Variants in NSUN6 observed in about 807,000 individuals in gnomAD.
NSUN6 encodes NOP2/Sun RNA methyltransferase 6, also known as tRNA (cytosine(72)-C(5))-methyltransferase NSUN6.
In NSUN6, 64 loss-of-function variants were observed where a neutral mutation model predicts 58.0. That is an observed-to-expected ratio of 1.10 (90% CI 0.90 to 1.36). The LOEUF (loss-of-function observed/expected upper bound fraction) is 1.36, where lower values mean the gene tolerates loss of function less well. Ranked by LOEUF, NSUN6 falls within the 40% of genes most tolerant of loss-of-function variation. The probability of loss-of-function intolerance (pLI) is 0.00; values close to 1 mark genes in which losing one functional copy is unlikely to be tolerated. For missense variants in NSUN6, 701 were observed against 550.1 expected, an observed-to-expected ratio of 1.27 and a Z score of -2.74; for synonymous variants, 231 against 193.9, an observed-to-expected ratio of 1.19 and a Z score of -1.59.
intron 8 of NSUN6, among the ~76,000 whole-genome samples, chr10:18,576,037 G>A (rs1387004211): frequency 6.6e-6 from 1 of 152,120 alleles, no homozygotes; most frequent in Non-Finnish European, 1.5e-5. Context: ...CCGTACAGCT[G>A]AGAGAGGATG....
intron 8 of NSUN6, among the ~76,000 whole-genome samples, chr10:18,558,727 T>A (rs1428930912): frequency 1.4e-5 from 2 of 141,250 alleles, no homozygotes; most frequent in Admixed American, 7.2e-5. Context: ...TGGAATGAAA[T>A]GGAATGGAGG....
rs371999865 is a variant in NSUN6 at position 18,616,315 on chromosome 10, A to C, written c.312-22T>G. Reference sequence around the variant, plus strand: ...CTTTCTAGAAATGTAAGACACAAGAAGTTTAATAGTAACATACCTCCAATG... The same window carrying C: ...CTTTCTAGAAATGTAAGACACAAGACGTTTAATAGTAACATACCTCCAATG... On this transcript the variant is annotated intron_variant, in intron 3 of 10. Coordinates refer to ENST00000377304, the MANE Select transcript of NSUN6 (RefSeq NM_182543.5). 1.1e-5 allele frequency: 15 copies of C among 1,424,796 alleles called. No homozygotes were observed. In the African/African-American group the frequency reaches 2.0e-4, roughly 19 times the overall value. 88.3% of individuals were successfully genotyped at this position (1,424,796 alleles called of 1,614,324 possible).
intron 3 of NSUN6, among the ~76,000 whole-genome samples, chr10:18,623,024 C>T (rs1277343132): frequency 2.0e-5 from 3 of 152,096 alleles, no homozygotes; most frequent in Non-Finnish European, 4.4e-5. Context: ...TCTGGCATTC[C>T]GTTTTCTCCT....
At chr10:18,581,357 A>G (rs183740589) in intron 8 of NSUN6, among the ~76,000 whole-genome samples, 31 of 152,278 alleles carry the variant, frequency 2.0e-4, no homozygotes, top group Middle Eastern at 3.4e-3. Flanking sequence ...AAACCCACCA[A>G]AACAAAGATG....
chr10:18,631,479 T>C (rs1332998082), intron 3 of NSUN6, among the ~76,000 whole-genome samples: 6 of 128,416 alleles, frequency 4.7e-5, no homozygotes, highest in African/African-American at 8.7e-5. Context: ...TGTTTGCAGA[T>C]GACATGATTG....
At chr10:18,637,251 C>G (rs1334002057) in intron 3 of NSUN6, among the ~76,000 whole-genome samples, 1 of 152,258 alleles carries the variant, frequency 6.6e-6, no homozygotes, top group South Asian at 2.1e-4. Flanking sequence ...GCGTGAGCCA[C>G]CACGCCCGGC....
chr10:18,582,031 T>C (rs2056925660), intron 8 of NSUN6, among the ~76,000 whole-genome samples: 1 of 152,114 alleles, frequency 6.6e-6, no homozygotes, highest in Admixed American at 6.5e-5. Flanking sequence ...GTTGTGTGCA[T>C]TCTTGCTGAG....
intron 5 of NSUN6, among the ~76,000 whole-genome samples, chr10:18,613,316 C>T (rs1195728474): frequency 1.3e-5 from 2 of 151,996 alleles, no homozygotes; most frequent in African/African-American, 2.4e-5. Context: ...AGGCTGGTCT[C>T]GAACTCCTGA....
At chr10:18,639,331 A>G (rs1480662937) in intron 3 of NSUN6, among the ~76,000 whole-genome samples, 1 of 152,090 alleles carries the variant, frequency 6.6e-6, no homozygotes, top group Non-Finnish European at 1.5e-5. Flanking sequence ...AGTCTCTACT[A>G]AAAATACAAA....
chr10:18,548,400 C>G (rs1156300813), intron 9 of NSUN6, among the ~76,000 whole-genome samples, 163 bp from the exon 10 acceptor site: 1 of 152,208 alleles, frequency 6.6e-6, no homozygotes, highest in Non-Finnish European at 1.5e-5. Flanking sequence ...AAGAGCAACA[C>G]TTGCAGCCTA....
chr10:18,578,215 C>A (rs909188488), intron 8 of NSUN6, among the ~76,000 whole-genome samples: 6 of 148,258 alleles, frequency 4.0e-5, no homozygotes, highest in Non-Finnish European at 7.4e-5. Context: ...CTCCATGGAG[C>A]CTCTTCTCTA....
chr10:18,641,714 T>A (rs1266541676), intron 3 of NSUN6, among the ~76,000 whole-genome samples: 1 of 152,094 alleles, frequency 6.6e-6, no homozygotes, highest in East Asian at 1.9e-4. Context: ...GCTTTCCAAA[T>A]ACGTAAACGC....
At chr10:18,618,038 C>T (rs754582845) in intron 3 of NSUN6, among the ~76,000 whole-genome samples, 7 of 152,190 alleles carry the variant, frequency 4.6e-5, no homozygotes, top group Non-Finnish European at 8.8e-5. Flanking sequence ...TAAACTAAGA[C>T]ACTCAGCGTC....
At position 18,637,134 on chromosome 10, in the gene NSUN6, T is replaced by G. The variant is rs568957305; in HGVS notation, c.311+5342A>C. Reference sequence around the variant, plus strand: ...TGCACCACCACACCCAGATAATGTTTGTATTTATAGTAGAGACAGGGTTTC... The same window carrying G: ...TGCACCACCACACCCAGATAATGTTGGTATTTATAGTAGAGACAGGGTTTC... On this transcript the variant is annotated intron_variant, in intron 3 of 10. Coordinates refer to ENST00000377304, the MANE Select transcript of NSUN6 (RefSeq NM_182543.5). Among the ~76,000 whole-genome samples, 1,360 of 151,952 alleles carry G rather than the reference T, an allele frequency of 9.0e-3. 13 individuals carry two copies. The highest frequency in any genetic ancestry group is 9.9e-3 in the Non-Finnish European group (670 of 67,952).
intron 6 of NSUN6, among the ~76,000 whole-genome samples, chr10:18,609,540 C>A (rs1039870942): frequency 1.3e-5 from 2 of 152,068 alleles, no homozygotes; most frequent in South Asian, 2.1e-4. Flanking sequence ...GAACACCACA[C>A]ATGTATATCA....
At chr10:18,566,934 A>T (rs1269011541) in intron 8 of NSUN6, among the ~76,000 whole-genome samples, 1 of 146,172 alleles carries the variant, frequency 6.8e-6, no homozygotes, top group Non-Finnish European at 1.5e-5. Flanking sequence ...TCCATTCTCC[A>T]TTCCAGCCTC....
intron 8 of NSUN6, among the ~76,000 whole-genome samples, chr10:18,556,626 T>TGGAATGGAGAAC (rs1166612079): frequency 1.4e-5 from 2 of 146,394 alleles, no homozygotes; most frequent in Non-Finnish European, 3.0e-5. Context: ...GGAATGGACA[T>TGGAATGGAGAAC]GGAATGGAGA....
intron 7 of NSUN6, among the ~76,000 whole-genome samples, chr10:18,588,314 G>A (rs376974585): frequency 6.6e-6 from 1 of 152,230 alleles, no homozygotes; most frequent in African/African-American, 2.4e-5. Context: ...GAGCACCTGG[G>A]GGGAGGGGTG....
intron 6 of NSUN6, among the ~76,000 whole-genome samples, chr10:18,600,993 T>TACATATA (rs1554870074): frequency 7.9e-6 from 1 of 126,414 alleles, no homozygotes; most frequent in Non-Finnish European, 1.7e-5. Context: ...TATATATATA[T>TACATATA]TATATACTAG....
Sources: gnomAD v4.1 joint callset for allele counts (sites outside exome capture counted in the v4.1 genomes callset) on GRCh38, gnomAD v4.1.1 for gene constraint, MANE v1.5 for transcripts, NCBI Gene and HGNC (gene_info 2026-07-23, HGNC 2026-07-21) for gene names.